PCDH11X: variants seen among roughly 807,000 people sequenced by gnomAD.
The protein encoded by PCDH11X is protocadherin 11 X-linked.
PCDH11X carries 18 observed loss-of-function variants against 53.3 expected under a neutral mutation model. That is an observed-to-expected ratio of 0.34 (90% CI 0.23 to 0.50). The LOEUF is 0.50. Ranked by LOEUF, PCDH11X falls within the 20% of genes least tolerant of loss-of-function variation. The pLI is 0.98. For synonymous variants in PCDH11X, 279 were observed against 393.3 expected (o/e 0.71, Z 3.44); for missense variants, 570 against 1,032.4 (o/e 0.55, Z 6.14).
At chrX:92,098,747 A>G (rs1301433416) in intron 6 of PCDH11X, among the ~76,000 whole-genome samples, 3 of 104,369 alleles carry the variant, frequency 2.9e-5, no homozygotes, top group Admixed American at 1.1e-4. Flanking sequence ...TCCTAGGTTC[A>G]AGCAATTCTC....
At chrX:91,794,810 T>C (rs1390119919) in intron 1 of PCDH11X, among the ~76,000 whole-genome samples, 1 of 109,055 alleles carries the variant, frequency 9.2e-6, no homozygotes, top group African/African-American at 3.3e-5. Context: ...TCTCAGCTTG[T>C]AGCTCCTATA....
chrX:92,184,933 T>C (rs1293176698), intron 6 of PCDH11X, among the ~76,000 whole-genome samples: 1 of 111,123 alleles, frequency 9.0e-6, no homozygotes, highest in Non-Finnish European at 1.9e-5. Flanking sequence ...TATAATATAA[T>C]ATATAGTATA....
chrX:92,507,743 A>T (rs2074090216), intron 10 of PCDH11X, among the ~76,000 whole-genome samples: 1 of 111,716 alleles, frequency 9.0e-6, no homozygotes, highest in Admixed American at 9.6e-5. Flanking sequence ...TCCTAAGAGA[A>T]TGTGAATTCA....
intron 6 of PCDH11X, among the ~76,000 whole-genome samples, chrX:92,016,101 A>G (rs2062788185): frequency 1.8e-5 from 2 of 112,907 alleles, no homozygotes; most frequent in Admixed American, 1.9e-4. Context: ...ATAAGCAAAT[A>G]TTTTGAAATT....
chrX:92,433,207 A>G (rs1292754889), intron 9 of PCDH11X, among the ~76,000 whole-genome samples: 1 of 111,574 alleles, frequency 9.0e-6, no homozygotes, highest in Non-Finnish European at 1.9e-5. Context: ...TTATTCAAAA[A>G]AAGTTTTATA....
intron 10 of PCDH11X, among the ~76,000 whole-genome samples, chrX:92,570,571 G>A (rs1389119880): frequency 3.0e-4 from 30 of 101,601 alleles, no homozygotes; most frequent in African/African-American, 1.0e-3. Context: ...ATAGCATTAG[G>A]GTAGGAGGGA....
At chrX:92,526,842 G>A (rs1458169835) in intron 10 of PCDH11X, among the ~76,000 whole-genome samples, 1 of 105,760 alleles carries the variant, frequency 9.5e-6, no homozygotes, top group African/African-American at 3.4e-5. Context: ...TATGTTTGTT[G>A]CAGCACTGTT....
chrX:92,183,700 A>G (rs1789908008), intron 6 of PCDH11X, among the ~76,000 whole-genome samples: 1 of 112,027 alleles, frequency 8.9e-6, no homozygotes, highest in Admixed American at 9.5e-5. Context: ...TTATGCTTCT[A>G]TTTTCCTTGA....
intron 7 of PCDH11X, among the ~76,000 whole-genome samples, chrX:92,210,065 G>A (rs750767377): frequency 2.3e-3 from 250 of 110,589 alleles, no homozygotes; most frequent in African/African-American, 7.8e-3. Flanking sequence ...CTCATGAAAC[G>A]ATTTTTCTCT....
chrX:92,446,749 C>T (rs1365716765), intron 9 of PCDH11X, among the ~76,000 whole-genome samples: 3 of 111,441 alleles, frequency 2.7e-5, no homozygotes, highest in African/African-American at 6.5e-5. Flanking sequence ...AAAAGATACC[C>T]GAAAATGTGG....
intron 8 of PCDH11X, among the ~76,000 whole-genome samples, chrX:92,373,748 C>T (rs2070679159): frequency 9.0e-6 from 1 of 111,598 alleles, no homozygotes; most frequent in Non-Finnish European, 1.9e-5. Flanking sequence ...GTAATTATAT[C>T]AGAAAGATAA....
chrX:92,458,471 G>T (rs1409065332), intron 9 of PCDH11X, among the ~76,000 whole-genome samples: 1 of 109,726 alleles, frequency 9.1e-6, no homozygotes, highest in African/African-American at 3.3e-5. Context: ...TAGATCTTAT[G>T]CATTCTATCT....
At chrX:92,063,586 T>A (rs981773883) in intron 6 of PCDH11X, among the ~76,000 whole-genome samples, 2 of 111,763 alleles carry the variant, frequency 1.8e-5, no homozygotes, top group Admixed American at 9.5e-5. Flanking sequence ...TAAGAACCAT[T>A]TCTGGGGAAC....
chrX:91,905,595 A>C (rs1941123462), intron 6 of PCDH11X, among the ~76,000 whole-genome samples: 1 of 111,279 alleles, frequency 9.0e-6, no homozygotes, highest in Admixed American at 9.6e-5. Context: ...CAGTTTACAA[A>C]GTTTAGATTT....
chrX:91,868,910 C>A (rs1031995753), intron 5 of PCDH11X, among the ~76,000 whole-genome samples: 2 of 111,184 alleles, frequency 1.8e-5, no homozygotes, highest in African/African-American at 3.3e-5. Context: ...TCTTAAAGGA[C>A]CTTTTTACAA....
intron 7 of PCDH11X, among the ~76,000 whole-genome samples, chrX:92,246,384 A>G: frequency 9.0e-6 from 1 of 110,604 alleles, no homozygotes. Context: ...ACAGAGTCTC[A>G]CTCTATCGCC....
chrX:91,953,154 G>T (rs1303130873), intron 6 of PCDH11X, among the ~76,000 whole-genome samples: 5 of 109,697 alleles, frequency 4.6e-5, no homozygotes, highest in Non-Finnish European at 9.5e-5. Flanking sequence ...GTTGACTATA[G>T]TCAATAATAA....
At chrX:92,122,191 C>T (rs2064782844) in intron 6 of PCDH11X, among the ~76,000 whole-genome samples, 1 of 109,679 alleles carries the variant, frequency 9.1e-6, no homozygotes, top group African/African-American at 3.3e-5. Context: ...GCATGTTGGC[C>T]AGGCTGGTCT....
intron 6 of PCDH11X, 125 bp from the exon 7 acceptor site, chrX:92,201,250 C>T: frequency 6.3e-6 from 6 of 952,108 alleles, no homozygotes; most frequent in Non-Finnish European, 8.4e-6. Context: ...ACTATGATGT[C>T]TAAAAAGAGA....
Sources: gnomAD v4.1 joint callset for allele counts (sites outside exome capture counted in the v4.1 genomes callset) on GRCh38, gnomAD v4.1.1 for gene constraint, MANE v1.5 for transcripts, NCBI Gene and HGNC (gene_info 2026-07-23, HGNC 2026-07-21) for gene names.